The following FANCB variants were observed in gnomAD, a reference collection of about 807,000 sequenced individuals.
FANCB encodes FA complementation group B, also known as Fanconi anemia group B protein.
A neutral mutation model predicts 38.9 loss-of-function variants in FANCB; 5 were observed. The ratio of observed to expected loss-of-function variants is 0.13; its 90% confidence interval spans 0.07 to 0.27. The LOEUF is 0.27. Ranked by LOEUF, FANCB falls within the 10% of genes least tolerant of loss-of-function variation. The pLI is 1.00. For missense variants in FANCB, 573 were observed against 602.7 expected (o/e 0.95, Z 0.52); for synonymous variants, 236 against 215.4 (o/e 1.10, Z -0.84).
the FANCB span, among the ~76,000 whole-genome samples, chrX:14,736,054 C>G: frequency 9.9e-5 from 11 of 111,352 alleles, 1 homozygote; most frequent in African/African-American, 1.3e-4. Context: ...ACCGCCTACT[C>G]AAGCCTCAGT....
the FANCB span, chrX:14,730,142 T>C: frequency 1.2e-6 from 1 of 846,108 alleles, no homozygotes; most frequent in Non-Finnish European, 1.7e-6. Flanking sequence ...CTAAAGAATT[T>C]TAAGCATCTT....
At chrX:14,719,764 A>T in the FANCB span, among the ~76,000 whole-genome samples, 9 of 112,137 alleles carry the variant, frequency 8.0e-5, no homozygotes, top group African/African-American at 2.9e-4. Flanking sequence ...TTACTGCAGC[A>T]CTATTTACAA....
chrX:14,849,655 G>A (rs1450713238), intron 7 of FANCB, among the ~76,000 whole-genome samples: 1 of 112,197 alleles, frequency 8.9e-6, no homozygotes, highest in Non-Finnish European at 1.9e-5. Flanking sequence ...GTTATTTAAC[G>A]AAATTTTTAC....
chrX:14,802,131 G>C, the FANCB span, among the ~76,000 whole-genome samples: 1 of 111,573 alleles, frequency 9.0e-6, no homozygotes, highest in African/African-American at 3.3e-5. Flanking sequence ...AAGTGGTGTT[G>C]AGGGTGGGGT....
intron 3 of FANCB, among the ~76,000 whole-genome samples, chrX:14,861,930 C>A (rs956194865): frequency 9.0e-6 from 1 of 111,054 alleles, no homozygotes; most frequent in African/African-American, 3.3e-5. Flanking sequence ...CTGCAACCTC[C>A]ACCTCCCAGG....
chrX:14,714,610 C>G, the FANCB span, among the ~76,000 whole-genome samples: 1 of 111,647 alleles, frequency 9.0e-6, no homozygotes, highest in Non-Finnish European at 1.9e-5. Flanking sequence ...TTGTTCTCCC[C>G]TGCCCATACA....
At chrX:14,735,987 G>T in the FANCB span, among the ~76,000 whole-genome samples, 1 of 111,463 alleles carries the variant, frequency 9.0e-6, no homozygotes, top group Non-Finnish European at 1.9e-5. Flanking sequence ...GCTGAGGTGC[G>T]GTGGGCTCTA....
chrX:14,796,834 A>G, the FANCB span, among the ~76,000 whole-genome samples: 14 of 109,470 alleles, frequency 1.3e-4, no homozygotes, highest in Non-Finnish European at 2.3e-4. Context: ...AGGAGAGCCA[A>G]TGATATAGTT....
In FANCB at chrX:14,857,929, T is replaced by C. The variant is rs2147425036; in HGVS notation, c.1130A>G (p.Asp377Gly). The change falls in exon 5 of 10, where the codon GAT becomes GGT. Residue 377 changes from aspartate (D) to glycine (G), a missense_variant. Asp to Gly is a moderately conservative substitution (Grantham distance 94, BLOSUM62 -1). Coordinates refer to ENST00000650831, the MANE Select transcript of FANCB (RefSeq NM_001018113.3). Reference sequence around the variant, plus strand: ...CTCTTGTTTGTCTTCAAATAAGTCATCTTCATTGCAATCTGATGGTTCACT... The same window carrying C: ...CTCTTGTTTGTCTTCAAATAAGTCACCTTCATTGCAATCTGATGGTTCACT... ...YSSEPSDCNE[D>G]DLFEDKQENR... The C allele has an allele frequency of 2.6e-6, 3 of 1,167,207 alleles. No homozygotes were observed. Among genetic ancestry groups the C allele is most frequent in the South Asian group, 3.6e-5 (2 of 55,775 alleles).
At chrX:14,744,180 G>A in the FANCB span, among the ~76,000 whole-genome samples, 173 of 111,169 alleles carry the variant, frequency 1.6e-3, 2 homozygotes, top group Non-Finnish European at 1.7e-3. Flanking sequence ...TGCAGGTGCC[G>A]GAGTAAAATT....
At position 14,843,788 on chromosome X, in the gene FANCB, T is replaced by G; in HGVS notation, c.2359A>C (p.Arg787=). ...IAKHESNFMQ[R]CEVSKGKSSV... ...CTCTTTCCTTTGCTCACTTCACACC[T>G]CTGCATAAAATTGCTTTCATGTTTA... Residue 787 remains arginine, a synonymous_variant, in exon 10 of 10, where the codon AGG becomes CGG. Coordinates refer to ENST00000650831, the MANE Select transcript of FANCB (RefSeq NM_001018113.3). The G allele has an allele frequency of 8.3e-7, 1 of 1,211,180 alleles. No individual in the cohort carries two copies. Among genetic ancestry groups the G allele is most frequent in the South Asian group, 1.8e-5 (1 of 56,974 alleles).
At chrX:14,763,000 TC>T in the FANCB span, among the ~76,000 whole-genome samples, 20 of 112,199 alleles carry the variant, frequency 1.8e-4, no homozygotes, top group Non-Finnish European at 3.8e-4. Flanking sequence ...GACCTACCTT[TC>T]CAACCTCTAT....
At chrX:14,699,932 A>G in the FANCB span, among the ~76,000 whole-genome samples, 1 of 112,061 alleles carries the variant, frequency 8.9e-6, no homozygotes, top group Non-Finnish European at 1.9e-5. Flanking sequence ...AATGATGAGA[A>G]CGCAGGGACA....
At chrX:14,771,811 G>A in the FANCB span, among the ~76,000 whole-genome samples, 4 of 111,902 alleles carry the variant, frequency 3.6e-5, no homozygotes, top group African/African-American at 6.5e-5. Flanking sequence ...ACCTTTGAAT[G>A]AGTTTTTTGT....
the FANCB span, chrX:14,690,827 C>A: frequency 1.7e-6 from 2 of 1,206,813 alleles, no homozygotes; most frequent in Non-Finnish European, 2.2e-6. Context: ...GGAGTTCCTG[C>A]GCCTCCGAAG....
chrX:14,773,278 A>G, the FANCB span, among the ~76,000 whole-genome samples: 1 of 112,739 alleles, frequency 8.9e-6, no homozygotes, highest in Admixed American at 9.4e-5. Context: ...TGGCTCTAGG[A>G]TGCATGCATG....
chrX:14,757,987 G>A, the FANCB span, among the ~76,000 whole-genome samples: 1 of 111,601 alleles, frequency 9.0e-6, no homozygotes, highest in African/African-American at 3.3e-5. Context: ...CTCATCCACT[G>A]ACTGGAAATA....
At chrX:14,728,025 T>C in the FANCB span, among the ~76,000 whole-genome samples, 1 of 112,346 alleles carries the variant, frequency 8.9e-6, no homozygotes, top group African/African-American at 3.2e-5. Flanking sequence ...CCAACTTGTG[T>C]AGGATAATCC....
the FANCB span, among the ~76,000 whole-genome samples, chrX:14,744,962 T>C: frequency 9.0e-6 from 1 of 111,138 alleles, no homozygotes; most frequent in Non-Finnish European, 1.9e-5. Flanking sequence ...ATGGCTTTGG[T>C]AACTGATTTA....
Sources: allele counts gnomAD v4.1 joint callset (sites outside exome capture counted in the v4.1 genomes callset), GRCh38; gene constraint gnomAD v4.1.1; transcripts MANE v1.5; gene names NCBI Gene and HGNC (gene_info 2026-07-23, HGNC 2026-07-21).